The following MXRA7 variants were observed in gnomAD, a reference collection of about 807,000 sequenced individuals.
MXRA7 encodes the protein matrix-remodeling-associated protein 7.
A neutral mutation model predicts 17.4 loss-of-function variants in MXRA7; 18 were observed. That is an observed-to-expected ratio of 1.03 (90% CI 0.71 to 1.53). MXRA7 has a LOEUF of 1.53. MXRA7 is among the 40% of genes most tolerant of loss of function. MXRA7 has a pLI of 0.00. For missense variants in MXRA7, 141 were observed against 209.3 expected (o/e 0.67, Z 2.01); for synonymous variants, 70 against 101.7 (o/e 0.69, Z 1.87).
chr17:76,699,439 C>T (rs949766767), intron 1 of MXRA7, among the ~76,000 whole-genome samples: 3 of 152,364 alleles, frequency 2.0e-5, no homozygotes, highest in Middle Eastern at 3.4e-3. Flanking sequence ...AGCCACCACA[C>T]CCAGCCCTCA....
At chr17:76,692,003 C>T (rs1050995163) in intron 1 of MXRA7, among the ~76,000 whole-genome samples, 2 of 152,118 alleles carry the variant, frequency 1.3e-5, no homozygotes, top group Admixed American at 1.3e-4. Context: ...CCCAAAGGAC[C>T]CAGTATCAGC....
At chr17:76,688,261 G>T (rs1461140902) in intron 1 of MXRA7, 85 bp from the exon 2 acceptor site, 1 of 1,578,270 alleles carries the variant, frequency 6.3e-7, no homozygotes, top group Admixed American at 1.8e-5. Context: ...GGGAGACAGA[G>T]GAGGCCCTCG....
At position 76,710,827 on chromosome 17, in the gene MXRA7, C is replaced by A. The variant is rs1166105590; in HGVS notation, c.120G>T (p.Ala40=). ...CGGCCGGGGGCGCGGGTTCCGGGGG[C>A]GCGCGGGCAGGCTCCGGGCTCGCGG... ...GAAASPEPAR[A]PPEPAPPAEA... The change falls in exon 1 of 4, where the codon GCG becomes GCT. Residue 40 remains alanine (A), a synonymous_variant. Coordinates refer to ENST00000449428, the MANE Select transcript of MXRA7 (RefSeq NM_198530.4). 28 of 953,478 alleles carry A rather than the reference C, an allele frequency of 2.9e-5. No homozygotes were observed. The highest frequency in any genetic ancestry group is 3.5e-5 in the Non-Finnish European group (28 of 803,802). 59.1% of individuals were successfully genotyped at this position (953,478 alleles called of 1,614,324 possible).
chr17:76,686,404 C>T (rs1315831402), intron 2 of MXRA7, among the ~76,000 whole-genome samples: 10 of 152,156 alleles, frequency 6.6e-5, no homozygotes, highest in Non-Finnish European at 1.0e-4. Context: ...CGCTTGAACC[C>T]GGGAGGCAGA....
intron 1 of MXRA7, among the ~76,000 whole-genome samples, chr17:76,691,597 G>A (rs928739675): frequency 2.0e-5 from 3 of 152,114 alleles, no homozygotes; most frequent in Non-Finnish European, 2.9e-5. Flanking sequence ...AGAGTTGAAC[G>A]GGAGGACACC....
rs149456126 is a variant in MXRA7, at chr17:76,702,516, A to AAAG, written c.342+8086_342+8088dup. Among the ~76,000 whole-genome samples the AAAG allele has an allele frequency of 1.4e-4, 22 of 151,748 alleles. 1 individual carries two copies. Among genetic ancestry groups the AAAG allele is most frequent in the South Asian group, 4.2e-4 (2 of 4,810 alleles). ...AAATAAATAAGTAAATAAATAAATA[A>AAAG]AAGAAGAAGAAGAAGAAGAAGACAA... On this transcript the variant is annotated intron_variant, in intron 1 of 3. Coordinates refer to ENST00000449428, the MANE Select transcript of MXRA7 (RefSeq NM_198530.4).
At chr17:76,688,012 C>T in intron 2 of MXRA7, 101 bp downstream of exon 2, 1 of 945,712 alleles carries the variant, frequency 1.1e-6, no homozygotes, top group Non-Finnish European at 1.6e-6. Context: ...CACCCCATCC[C>T]TCCCCTCGGC....
chr17:76,704,975 G>T (rs1323588556), intron 1 of MXRA7, among the ~76,000 whole-genome samples: 1 of 152,066 alleles, frequency 6.6e-6, no homozygotes, highest in Non-Finnish European at 1.5e-5. Context: ...TCTGGAAGAC[G>T]GTTTACCAGA....
At chr17:76,690,320 A>C (rs1264663789) in intron 1 of MXRA7, 2 of 152,180 alleles carry the variant, frequency 1.3e-5, no homozygotes, top group African/African-American at 4.8e-5. Flanking sequence ...TGAATGACTA[A>C]ATATATTTTT....
chr17:76,680,028 G>A lies in MXRA7; in HGVS notation c.*839C>T. 1 of 941,882 alleles carries A rather than the reference G, an allele frequency of 1.1e-6. No homozygotes were observed. The highest frequency in any genetic ancestry group is 1.3e-6 in the Non-Finnish European group (1 of 795,518). 58.3% of individuals were successfully genotyped at this position (941,882 alleles called of 1,614,324 possible). A position where few individuals can be genotyped will look rare whatever the true frequency, so the allele number is the denominator to read the frequency against. On this transcript the variant is annotated 3_prime_UTR_variant, in exon 4 of 4. Coordinates refer to ENST00000449428, the MANE Select transcript of MXRA7 (RefSeq NM_198530.4). Reference sequence around the variant, plus strand: ...ATGAGTTTGGTATAGTATAAATATTGTCAAATATAAAATTCCAAGAAACCC... The same window carrying A: ...ATGAGTTTGGTATAGTATAAATATTATCAAATATAAAATTCCAAGAAACCC...
chr17:76,683,016 A>G (rs938450679), intron 3 of MXRA7, among the ~76,000 whole-genome samples: 2 of 152,102 alleles, frequency 1.3e-5, no homozygotes, highest in Admixed American at 6.6e-5. Flanking sequence ...CCCCACTGCC[A>G]AGGTCCCAGC....
intron 1 of MXRA7, among the ~76,000 whole-genome samples, chr17:76,691,798 G>A (rs530152990): frequency 7.9e-5 from 12 of 152,260 alleles, no homozygotes; most frequent in African/African-American, 1.2e-4. Context: ...GCACGGCCCC[G>A]GAACTAAGCC....
At chr17:76,702,892 T>TATATATATACGTATA (rs2076611295) in intron 1 of MXRA7, among the ~76,000 whole-genome samples, 1 of 77,992 alleles carries the variant, frequency 1.3e-5, no homozygotes, top group African/African-American at 3.5e-5. Flanking sequence ...TATATATATC[T>TATATATATACGTATA]TGAGGAGGCC....
At chr17:76,688,969 A>C in intron 1 of MXRA7, 1 of 210,288 alleles carries the variant, frequency 4.8e-6, no homozygotes, top group African/African-American at 2.3e-5. Context: ...CTCCCTAACA[A>C]AACACTGAGC....
At chr17:76,688,971 A>C in intron 1 of MXRA7, 7 of 201,004 alleles carry the variant, frequency 3.5e-5, no homozygotes, top group East Asian at 1.1e-4. Flanking sequence ...CCCTAACAAA[A>C]CACTGAGCTG....
At chr17:76,698,364 G>A (rs4789346) in intron 1 of MXRA7, among the ~76,000 whole-genome samples, 3 of 149,778 alleles carry the variant, frequency 2.0e-5, no homozygotes, top group Admixed American at 6.6e-5. Flanking sequence ...TGCAATGGGC[G>A]GGGGGGGAGC....
chr17:76,706,774 A>G (rs921628841), intron 1 of MXRA7, among the ~76,000 whole-genome samples: 1 of 152,246 alleles, frequency 6.6e-6, no homozygotes, highest in African/African-American at 2.4e-5. Flanking sequence ...GAAATTTCCC[A>G]AAGAAGAATG....
chr17:76,685,129 A>G lies in MXRA7; in HGVS notation c.443T>C (p.Leu148Pro). Reference protein sequence around the residue: ...GFSFKYSPGKLRGNQYKKMMT... With the variant: ...GFSFKYSPGKPRGNQYKKMMT... ...CATCTTCTTGTACTGGTTTCCCCTC[A>G]GCTTCCCGGGGCTGTATTTGAAGGA... Residue 148 changes from leucine to proline, a missense_variant, in exon 3 of 4, where the codon CTG becomes CCG. Leu to Pro is a moderately conservative substitution (Grantham distance 98). This residue lies in a region of MXRA7 where 67 missense variants were observed against 80.3 expected (regional missense o/e 0.83). Coordinates refer to ENST00000449428, the MANE Select transcript of MXRA7 (RefSeq NM_198530.4). The G allele has an allele frequency of 6.2e-7, 1 of 1,613,848 alleles. No homozygotes were observed.
At chr17:76,701,832 G>A (rs2143668369) in intron 1 of MXRA7, among the ~76,000 whole-genome samples, 1 of 152,252 alleles carries the variant, frequency 6.6e-6, no homozygotes, top group Non-Finnish European at 1.5e-5. Flanking sequence ...CCGATCAAGG[G>A]CACATTCACA....
Sources: allele counts gnomAD v4.1 joint callset (sites outside exome capture counted in the v4.1 genomes callset), GRCh38; gene constraint gnomAD v4.1.1; regional missense constraint gnomAD v4.1.1; transcripts MANE v1.5; gene names NCBI Gene and HGNC (gene_info 2026-07-23, HGNC 2026-07-21).